The following SLC16A14 variants were observed in gnomAD, a reference collection of about 807,000 sequenced individuals.
SLC16A14 encodes the protein monocarboxylate transporter 14.
Under a neutral mutation model 35.8 loss-of-function variants are expected in SLC16A14, and 14 were observed. That is an observed-to-expected ratio of 0.39 (90% CI 0.26 to 0.61). The LOEUF (loss-of-function observed/expected upper bound fraction) is 0.61. SLC16A14 is among the 20% of genes least tolerant of loss of function. The pLI, the probability that SLC16A14 is intolerant of heterozygous loss-of-function variation, is 0.51. For synonymous variants in SLC16A14, 248 were observed against 258.9 expected (o/e 0.96, Z 0.40); for missense variants, 533 against 655.0 (o/e 0.81, Z 2.03).
intron 2 of SLC16A14, among the ~76,000 whole-genome samples, chr2:230,052,997 A>G (rs1186360838): frequency 6.6e-6 from 1 of 150,856 alleles, no homozygotes; most frequent in African/African-American, 2.4e-5. Context: ...GCTGGAGTGC[A>G]GTGGTGCCAT....
chr2:230,056,784 C>T (rs1291895598), intron 2 of SLC16A14, among the ~76,000 whole-genome samples: 2 of 150,398 alleles, frequency 1.3e-5, no homozygotes, highest in Non-Finnish European at 2.9e-5. Flanking sequence ...GTGGGAGGAT[C>T]GCTTGAGCCC....
Position 230,045,802 on chromosome 2 carries a change from A to T in SLC16A14, c.1324T>A (p.Tyr442Asn). Residue 442 changes from tyrosine (Y) to asparagine (N), a missense_variant, in exon 4 of 5, where the codon TAC becomes AAC. Tyr to Asn is a moderately radical substitution (Grantham distance 143). Coordinates refer to ENST00000295190, the MANE Select transcript of SLC16A14 (RefSeq NM_152527.5). ...LVGIEHLANA[Y>N]GIIICANGIS... ...CCATTAGCACAGATGATGATGCCGT[A>T]GGCATTGGCCAGGTGTTCAATGCCA... is the stretch of plus-strand genomic sequence containing the variant. 6.2e-7 allele frequency: 1 copy of T among 1,614,198 alleles called. No homozygotes were observed.
chr2:230,066,484 TG>T (rs1454556157), intron 1 of SLC16A14, among the ~76,000 whole-genome samples: 1 of 151,880 alleles, frequency 6.6e-6, no homozygotes, highest in South Asian at 2.1e-4. Flanking sequence ...AAATTGTAAA[TG>T]GGGGGTAACA....
chr2:230,038,313 A>C lies in SLC16A14; in HGVS notation c.1382-782T>G, dbSNP rs571937608. Among the ~76,000 whole-genome samples the C allele has an allele frequency of 1.7e-4, 26 of 152,352 alleles. No homozygotes were observed. Among genetic ancestry groups the C allele is most frequent in the African/African-American group, 6.0e-4 (25 of 41,590 alleles). The stretch of plus-strand genomic sequence containing the variant: ...TTATTTTATGTATCAGTAAGAAATA[A>C]ATATCCTTGTCAATTCAAATATGAC... On this transcript the variant is annotated intron_variant, in intron 4 of 4. Coordinates refer to ENST00000295190, the MANE Select transcript of SLC16A14 (RefSeq NM_152527.5). This position sits in a 1 kb window ranked among gnomAD's most constrained non-coding sequence, Gnocchi z 4.4.
intron 1 of SLC16A14, among the ~76,000 whole-genome samples, chr2:230,064,064 TC>T (rs1218308559): frequency 6.7e-6 from 1 of 150,316 alleles, no homozygotes; most frequent in East Asian, 1.9e-4. Flanking sequence ...GCCACTGCAC[TC>T]CAGCCTGGGA....
chr2:230,036,911 ATAAT>A lies in SLC16A14; in HGVS notation c.*465_*468del, dbSNP rs1259305492. ...GCTAGTAGATCAATAGCTCCCTGTA[ATAAT>A]TAATTTCTGAAATCTAGTCATATTC... On this transcript the variant is annotated 3_prime_UTR_variant, in exon 5 of 5. Transcript: ENST00000295190. 1 of 152,276 alleles carries A rather than the reference ATAAT, an allele frequency of 6.6e-6. No individual in the cohort carries two copies. Among genetic ancestry groups the A allele is most frequent in the African/African-American group, 2.4e-5 (1 of 41,460 alleles). 9.4% of individuals were successfully genotyped at this position (152,276 alleles called of 1,614,324 possible). A position where few individuals can be genotyped will look rare whatever the true frequency, so the allele number is the denominator to read the frequency against.
At chr2:230,054,083 A>AT (rs2077684545) in intron 2 of SLC16A14, among the ~76,000 whole-genome samples, 1 of 133,410 alleles carries the variant, frequency 7.5e-6, no homozygotes, top group South Asian at 2.5e-4. Context: ...GTGCAGCCTG[A>AT]GGTGGGGGGG....
intron 2 of SLC16A14, among the ~76,000 whole-genome samples, chr2:230,052,358 G>A (rs1193119260): frequency 3.3e-5 from 5 of 152,122 alleles, no homozygotes; most frequent in Non-Finnish European, 5.9e-5. Flanking sequence ...TTCACATACC[G>A]TAAGTTAGAG....
chr2:230,064,695 G>C (rs953744842), intron 1 of SLC16A14, among the ~76,000 whole-genome samples: 2 of 152,174 alleles, frequency 1.3e-5, no homozygotes, highest in Non-Finnish European at 2.9e-5. Flanking sequence ...GGAAGGCTTT[G>C]AAGTAATACA....
intron 1 of SLC16A14, 76 bp from the exon 2 acceptor site, chr2:230,059,442 C>T: frequency 8.6e-7 from 1 of 1,166,692 alleles, no homozygotes; most frequent in Non-Finnish European, 1.2e-6. Context: ...GCAGCTCTAC[C>T]TCCCCATCAG....
At chr2:230,057,956 A>G (rs1201082863) in intron 2 of SLC16A14, among the ~76,000 whole-genome samples, 1 of 152,016 alleles carries the variant, frequency 6.6e-6, no homozygotes, top group Admixed American at 6.6e-5. Context: ...TTGAACCTGG[A>G]TGGCCGAGGT....
At chr2:230,056,521 G>A (rs1334024848) in intron 2 of SLC16A14, among the ~76,000 whole-genome samples, 1 of 152,064 alleles carries the variant, frequency 6.6e-6, no homozygotes, top group African/African-American at 2.4e-5. Context: ...CTCCCGAAGT[G>A]CTGGGATTAT....
chr2:230,045,886 G>T lies in SLC16A14; in HGVS notation c.1240C>A (p.Leu414Met), dbSNP rs1560472939. Residue 414 changes from leucine (L) to methionine (M), a missense_variant, in exon 4 of 5, where the codon CTG becomes ATG. Transcript: ENST00000295190. Reference protein sequence around the residue: ...TYAGLAVICALIGFSSGYFSL... With the variant: ...TYAGLAVICAMIGFSSGYFSL... Reference sequence around the variant, plus strand: ...AAATAACCACTGGAAAACCCTATCAGCGCACAGATGACCGCCAGGCCAGCG... The same window carrying T: ...AAATAACCACTGGAAAACCCTATCATCGCACAGATGACCGCCAGGCCAGCG... 6.2e-7 allele frequency: 1 copy of T among 1,613,016 alleles called. No individual in the cohort carries two copies. The highest frequency in any genetic ancestry group is 2.2e-5 in the East Asian group (1 of 44,838).
intron 4 of SLC16A14, 64 bp downstream of exon 4, chr2:230,045,681 A>G: frequency 1.9e-6 from 3 of 1,561,196 alleles, no homozygotes; most frequent in Non-Finnish European, 2.6e-6. Context: ...TTTATCTGGG[A>G]CTTTATAACA....
intron 4 of SLC16A14, among the ~76,000 whole-genome samples, chr2:230,040,741 A>G (rs934611137): frequency 6.6e-6 from 1 of 152,092 alleles, no homozygotes; most frequent in African/African-American, 2.4e-5. Context: ...GTTTTCTCCA[A>G]TCCACCTTTA....
At chr2:230,057,637 T>C (rs531784074) in intron 2 of SLC16A14, among the ~76,000 whole-genome samples, 1 of 152,126 alleles carries the variant, frequency 6.6e-6, no homozygotes, top group Admixed American at 6.6e-5. Context: ...GAATATATTG[T>C]TATTCCTTTC....
Position 230,046,380 on chromosome 2 carries a change from T to C in SLC16A14, c.746A>G (p.Lys249Arg), listed in dbSNP as rs1224850027. 2 of 1,614,096 alleles carry C rather than the reference T, an allele frequency of 1.2e-6. No homozygotes were observed. Among genetic ancestry groups the C allele is most frequent in the African/African-American group, 2.7e-5 (2 of 74,948 alleles). The change falls in exon 4 of 5, where the codon AAG (lysine) becomes AGG (arginine). Residue 249 changes from lysine (K) to arginine (R), a missense_variant. By Grantham distance (26) the Lys-to-Arg change is conservative. Coordinates refer to ENST00000295190, the MANE Select transcript of SLC16A14 (RefSeq NM_152527.5). The surrounding 1 kb of genome is among the most constrained non-coding windows in gnomAD (Gnocchi z 5.0). ...STGQQGRTEE[K>R]DGGLGNEETL... is the part of the protein sequence containing the mutation. ...CTCCTCGTTCCCGAGCCCACCATCC[T>C]TCTCTTCTGTTCTTCCCTGCTGTCC...
intron 3 of SLC16A14, 87 bp downstream of exon 3, chr2:230,049,674 T>G (rs2077641303): frequency 7.1e-7 from 1 of 1,414,626 alleles, no homozygotes; most frequent in African/African-American, 1.4e-5. Context: ...AATGTTTTAA[T>G]GTGTCTCTTT....
At chr2:230,067,534 T>TTCTCTCTCTCTCTCTCTCTCTCTC (rs145179402) in intron 1 of SLC16A14, among the ~76,000 whole-genome samples, 80 of 128,392 alleles carry the variant, frequency 6.2e-4, no homozygotes, top group African/African-American at 2.5e-3. Context: ...CTCCCCTCTC[T>TTCTCTCTCTCTCTCTCTCTCTCTC]TCTCTCTCTC....
Sources: gnomAD v4.1 joint callset for allele counts (sites outside exome capture counted in the v4.1 genomes callset) on GRCh38, gnomAD v4.1.1 for gene constraint, Gnocchi (gnomAD v3.1) non-coding constraint, MANE v1.5 for transcripts, NCBI Gene and HGNC (gene_info 2026-07-23, HGNC 2026-07-21) for gene names.